Variants in PCSK7 observed in about 807,000 individuals in gnomAD.
The protein encoded by PCSK7 is proprotein convertase subtilisin/kexin type 7.
In PCSK7, 38 loss-of-function variants were observed where a neutral mutation model predicts 73.3. That is an observed-to-expected ratio of 0.52 (90% CI 0.40 to 0.68). PCSK7 has a LOEUF of 0.68. PCSK7 is among the 30% of genes least tolerant of loss of function. PCSK7 has a pLI of 0.00. For synonymous variants in PCSK7, 296 were observed against 383.8 expected (o/e 0.77, Z 2.68); for missense variants, 692 against 991.5 (o/e 0.70, Z 4.06).
chr11:117,220,994 G>T (rs1254422823), intron 9 of PCSK7: 2 of 152,358 alleles, frequency 1.3e-5, no homozygotes, highest in Non-Finnish European at 1.5e-5. Context: ...GCTCTTTTGG[G>T]GCTGTCATCA....
At position 117,229,736 on chromosome 11, in the gene PCSK7, C is replaced by G; in HGVS notation, c.109G>C (p.Gly37Arg). ...TCAGGCCCACCTGTCCCTGCCAGGC[C>G]CATGACCCAGGGAACCAGTAAGAAG... ...GLFLLVPWVM[G>R]LAGTGGPDGQ... is the part of the protein sequence containing the mutation. Residue 37 changes from glycine (G) to arginine (R), a missense_variant, in exon 3 of 17, where the codon GGC becomes CGC. By Grantham distance (125) the Gly-to-Arg change is moderately radical. Coordinates refer to ENST00000320934, the MANE Select transcript of PCSK7 (RefSeq NM_004716.4). 6.2e-7 allele frequency: 1 copy of G among 1,613,964 alleles called. No homozygotes were observed. Among genetic ancestry groups the G allele is most frequent in the Non-Finnish European group, 8.5e-7 (1 of 1,179,874 alleles).
rs1296537923 is a variant in PCSK7, at chr11:117,218,387, G to C, written c.1534+79C>G. The C allele has an allele frequency of 1.4e-6, 1 of 721,368 alleles. No individual in the cohort carries two copies. The highest frequency in any genetic ancestry group is 2.3e-6 in the Non-Finnish European group (1 of 442,116). 44.7% of individuals were successfully genotyped at this position (721,368 alleles called of 1,614,324 possible). On this transcript the variant is annotated intron_variant, in intron 12 of 16. Coordinates refer to ENST00000320934, the MANE Select transcript of PCSK7 (RefSeq NM_004716.4). The surrounding 1 kb of genome is among the most constrained non-coding windows in gnomAD (Gnocchi z 4.0). ...TCCGAAAGGGGGTAGAATCTGGCAGGGAGGACGAGTTTAACTTCCTTGTCA... is the reference window on the plus strand; with the variant it reads ...TCCGAAAGGGGGTAGAATCTGGCAGCGAGGACGAGTTTAACTTCCTTGTCA...
chr11:117,227,520 G>GC (rs1200489612), intron 4 of PCSK7, among the ~76,000 whole-genome samples, 198 bp from the exon 5 acceptor site: 3 of 152,194 alleles, frequency 2.0e-5, no homozygotes, highest in Non-Finnish European at 4.4e-5. Flanking sequence ...TCAGCTCACT[G>GC]CAACAACTGC....
At chr11:117,230,838 C>T (rs756053196) in intron 1 of PCSK7, among the ~76,000 whole-genome samples, 28 of 151,998 alleles carry the variant, frequency 1.8e-4, no homozygotes, top group Non-Finnish European at 2.8e-4. Context: ...AGGGAGGCGG[C>T]GGGGGCGAAA....
Position 117,206,212 on chromosome 11 carries a change from C to T in PCSK7, c.2143G>A (p.Glu715Lys), listed in dbSNP as rs550551042. Residue 715 changes from glutamate (E) to lysine (K), a missense_variant, in exon 17 of 17, where the codon GAG (glutamate) becomes AAG (lysine). Glu to Lys is a moderately conservative substitution (Grantham distance 56). Around this residue, in one of 6 missense-constraint regions of PCSK7, gnomAD observed 78 missense variants for 102.6 expected, o/e 0.76. Transcript: ENST00000320934. ...ACTGATTCTAGCTCTGTCCCTTCCT[C>T]CTTGGCTTTCCGGCTCCGATGGGGC... ...HWPHRSRKAK[E>K]EGTELESVPL... 6 of 1,614,186 alleles carry T rather than the reference C, an allele frequency of 3.7e-6. No homozygotes were observed. In the East Asian group the frequency reaches 1.3e-4, roughly 36 times the overall value.
At chr11:117,231,613 G>C (rs2032670666) in intron 1 of PCSK7, among the ~76,000 whole-genome samples, 1 of 152,156 alleles carries the variant, frequency 6.6e-6, no homozygotes, top group South Asian at 2.1e-4. Flanking sequence ...TCTGGGAAAG[G>C]AACCTTAAAT....
intron 8 of PCSK7, 57 bp from the exon 9 acceptor site, chr11:117,223,365 G>T: frequency 9.7e-7 from 1 of 1,034,922 alleles, no homozygotes; most frequent in Non-Finnish European, 1.5e-6. Flanking sequence ...TGTGGCAGGG[G>T]CTTGCTAATG....
chr11:117,204,382 C>T lies in PCSK7; in HGVS notation c.*1615G>A. 4 of 1,614,146 alleles carry T rather than the reference C, an allele frequency of 2.5e-6. No homozygotes were observed. Among genetic ancestry groups the T allele is most frequent in the Non-Finnish European group, 3.4e-6 (4 of 1,179,974 alleles). ...TAGAGCGGAGAGGGCTAGCCCTGAGCCCGGCCCTCCCCCAGCTCCTTGGCT... is the reference window on the plus strand; with the variant it reads ...TAGAGCGGAGAGGGCTAGCCCTGAGTCCGGCCCTCCCCCAGCTCCTTGGCT... On this transcript the variant is annotated 3_prime_UTR_variant, in exon 17 of 17. Coordinates refer to ENST00000320934, the MANE Select transcript of PCSK7 (RefSeq NM_004716.4).
At position 117,227,266 on chromosome 11, in the gene PCSK7, C is replaced by G; in HGVS notation, c.660G>C (p.Pro220=). Residue 220 remains proline (P), a synonymous_variant, in exon 5 of 17, where the codon CCG becomes CCC. Coordinates refer to ENST00000320934, the MANE Select transcript of PCSK7 (RefSeq NM_004716.4). ...CATGGTGGTTGCCATTCTCCACATC[C>G]GGGTGGGGCATGGGGTCAGGGTCAT... ...NSNDPDPMPH[P]DVENGNHHGT... The G allele has an allele frequency of 1.2e-6, 2 of 1,613,074 alleles. No homozygotes were observed. The highest frequency in any genetic ancestry group is 1.7e-6 in the Non-Finnish European group (2 of 1,179,126).
In PCSK7 at chr11:117,224,744, T is replaced by C. The variant is rs1324801113; in HGVS notation, c.872A>G (p.Asp291Gly). ...NDIYSCSWGP[D>G]DDGKTVDGPH... Reference sequence around the variant, plus strand: ...GCCATCCACTGTCTTCCCATCGTCATCTGGTCCCCAGCTGTTGAGAAATAA... The same window carrying C: ...GCCATCCACTGTCTTCCCATCGTCACCTGGTCCCCAGCTGTTGAGAAATAA... The change falls in exon 7 of 17, where the codon GAT (aspartate) becomes GGT (glycine). Residue 291 changes from aspartate to glycine, a missense_variant. Coordinates refer to ENST00000320934, the MANE Select transcript of PCSK7 (RefSeq NM_004716.4). 6.2e-7 allele frequency: 1 copy of C among 1,613,506 alleles called. No individual in the cohort carries two copies. The highest frequency in any genetic ancestry group is 1.7e-5 in the Admixed American group (1 of 60,026).
In PCSK7 at chr11:117,227,187, C is replaced by A; in HGVS notation, c.739G>T (p.Val247Leu). ...ATGCGGCTCCCGTAGGCCACGCCCA[C>A]GGCACAGAAGCTGTTGTTGGGCACA... Reference protein sequence around the residue: ...AAVPNNSFCAVGVAYGSRIAG... With the variant: ...AAVPNNSFCALGVAYGSRIAG... The change falls in exon 5 of 17, where the codon GTG (valine) becomes TTG (leucine). Residue 247 changes from valine to leucine, a missense_variant. Physicochemically the swap from Val to Leu is conservative, Grantham distance 32. Transcript: ENST00000320934. 6 of 1,608,576 alleles carry A rather than the reference C, an allele frequency of 3.7e-6. No homozygotes were observed. The highest frequency in any genetic ancestry group is 5.1e-6 in the Non-Finnish European group (6 of 1,177,418).
chr11:117,229,320 A>T, intron 3 of PCSK7, 57 bp downstream of exon 3: 1 of 1,307,272 alleles, frequency 7.6e-7, no homozygotes. Flanking sequence ...AAAGCCCATT[A>T]AAGAACTGGA....
intron 12 of PCSK7, chr11:117,216,556 A>T (rs2031994418): frequency 6.8e-6 from 1 of 147,778 alleles, no homozygotes; most frequent in Admixed American, 7.0e-5. Flanking sequence ...TCAGCCTCCC[A>T]AGTAGCTGGG....
In PCSK7 at chr11:117,224,862, T is replaced by C; in HGVS notation, c.861-107A>G. 3.7e-6 allele frequency: 3 copies of C among 807,260 alleles called. No homozygotes were observed. The Admixed American group carries it at 5.3e-5, about 14-fold the overall frequency. 50.0% of individuals were successfully genotyped at this position (807,260 alleles called of 1,614,324 possible). Reference sequence around the variant, plus strand: ...TGCCCTTTGACCTGCAGCTCTTAACTCCTCCCAAGGGTTCCACTTAAAGGC... The same window carrying C: ...TGCCCTTTGACCTGCAGCTCTTAACCCCTCCCAAGGGTTCCACTTAAAGGC... On this transcript the variant is annotated intron_variant, in intron 6 of 16. Coordinates refer to ENST00000320934, the MANE Select transcript of PCSK7 (RefSeq NM_004716.4).
At chr11:117,224,656 G>A (rs2032340541) in intron 7 of PCSK7, 45 bp downstream of exon 7, 1 of 1,485,030 alleles carries the variant, frequency 6.7e-7, no homozygotes, top group Non-Finnish European at 9.4e-7. Context: ...GGGACTGTAT[G>A]AAGAGGGCAT....
At chr11:117,226,292 C>T (rs112297630) in intron 5 of PCSK7, 4,842 of 448,172 alleles carry the variant, frequency 0.011, 180 homozygotes, top group African/African-American at 0.08. Flanking sequence ...CATGCCACCA[C>T]ACCCGGCTAA....
In PCSK7 at chr11:117,206,457, G is replaced by A. The variant is rs533138921; in HGVS notation, c.1999-101C>T. On this transcript the variant is annotated intron_variant, in intron 16 of 16. Coordinates refer to ENST00000320934, the MANE Select transcript of PCSK7 (RefSeq NM_004716.4). ...CTCAGAAAGTCTTTTTCCTTCTAGG[G>A]ACTGCCTTTTTCACCCAAACTGTTC... 1.5e-5 allele frequency: 23 copies of A among 1,503,636 alleles called. No homozygotes were observed. The South Asian group carries it at 2.7e-4, about 18-fold the overall frequency. 93.1% of individuals were successfully genotyped at this position (1,503,636 alleles called of 1,614,324 possible). A position where few individuals can be genotyped will look rare whatever the true frequency, so the allele number is the denominator to read the frequency against.
In PCSK7 at chr11:117,205,251, C is replaced by T. The variant is rs906890049; in HGVS notation, c.*746G>A. 2.1e-5 allele frequency: 5 copies of T among 233,586 alleles called. No homozygotes were observed. Among genetic ancestry groups the T allele is most frequent in the East Asian group, 6.0e-5 (1 of 16,592 alleles). The allele number at this position is 233,586 out of a possible 1,614,324, so 14.5% of individuals were successfully genotyped here. A position where few individuals can be genotyped will look rare whatever the true frequency, so the allele number is the denominator to read the frequency against. ...GCCTGTCAGGCAGATAGCTGGCCTC[C>T]GGCGGGAAGGCCATTTCCCTGAGCA... On this transcript the variant is annotated 3_prime_UTR_variant, in exon 17 of 17. Coordinates refer to ENST00000320934, the MANE Select transcript of PCSK7 (RefSeq NM_004716.4).
intron 10 of PCSK7, 52 bp downstream of exon 10, chr11:117,219,539 G>T: frequency 1.3e-6 from 2 of 1,559,034 alleles, no homozygotes; most frequent in South Asian, 2.3e-5. Flanking sequence ...CCTGATACCC[G>T]AACTCTGGAG....
Sources: gnomAD v4.1 joint callset for allele counts (sites outside exome capture counted in the v4.1 genomes callset) on GRCh38, gnomAD v4.1.1 for gene constraint, gnomAD v4.1.1 regional missense constraint, Gnocchi (gnomAD v3.1) non-coding constraint, MANE v1.5 for transcripts, NCBI Gene and HGNC (gene_info 2026-07-23, HGNC 2026-07-21) for gene names.